PLCZ1: variants seen among roughly 807,000 people sequenced by gnomAD.
PLCZ1 encodes the protein 1-phosphatidylinositol 4,5-bisphosphate phosphodiesterase zeta-1.
PLCZ1 carries 64 observed loss-of-function variants against 76.8 expected under a neutral mutation model. The ratio of observed to expected loss-of-function variants is 0.83; its 90% confidence interval spans 0.68 to 1.03. PLCZ1 has a LOEUF of 1.03. Ranked by LOEUF, PLCZ1 falls within the 50% of genes least tolerant of loss-of-function variation. The pLI is 0.00. For missense variants in PLCZ1, 751 were observed against 713.7 expected, an observed-to-expected ratio of 1.05 and a Z score of -0.60; for synonymous variants, 248 against 230.8, an observed-to-expected ratio of 1.07 and a Z score of -0.68.
the PLCZ1 span, among the ~76,000 whole-genome samples, chr12:18,664,027 A>C: frequency 0.4 from 60,804 of 152,010 alleles, 14,339 homozygotes; most frequent in South Asian, 0.59. Context: ...TTGAAAATGC[A>C]AATCAAAACT....
intron 4 of PLCZ1, among the ~76,000 whole-genome samples, chr12:18,722,191 C>G (rs1420869269): frequency 2.5e-5 from 3 of 122,296 alleles, no homozygotes; most frequent in African/African-American, 6.2e-5. Context: ...AACTAGGCCT[C>G]CCAGGTCATT....
the PLCZ1 span, among the ~76,000 whole-genome samples, chr12:18,653,527 C>G: frequency 7.2e-5 from 11 of 152,236 alleles, no homozygotes; most frequent in East Asian, 1.4e-3. Flanking sequence ...ATTCTTAACT[C>G]CAGACACAGG....
intron 14 of PLCZ1, chr12:18,683,560 C>G (rs760701660): frequency 6.7e-7 from 1 of 1,483,466 alleles, no homozygotes. Flanking sequence ...TTCCGCAAAG[C>G]GCTGCATGAT....
chr12:18,683,140 A>C (rs1952591362), downstream of PLCZ1: 3 of 1,008,588 alleles, frequency 3.0e-6, no homozygotes, highest in African/African-American at 3.3e-5. Context: ...TTTATGAGTA[A>C]TTATTTTTCT....
chr12:18,673,929 T>C, the PLCZ1 span, among the ~76,000 whole-genome samples: 1 of 152,172 alleles, frequency 6.6e-6, no homozygotes, highest in Admixed American at 6.6e-5. Context: ...AGAAAACAAT[T>C]GTCTACTAGC....
At chr12:18,681,272 A>T (rs1952388167), downstream of PLCZ1, among the ~76,000 whole-genome samples, 1 of 152,054 alleles carries the variant, frequency 6.6e-6, no homozygotes, top group African/African-American at 2.4e-5. Flanking sequence ...AACCTAATCT[A>T]GCAGAACACG....
chr12:18,693,797 C>T, intron 12 of PLCZ1: 1 of 1,514,400 alleles, frequency 6.6e-7, no homozygotes, highest in Non-Finnish European at 9.2e-7. Context: ...GGATCCAGCG[C>T]TTATCAGACC....
intron 4 of PLCZ1, among the ~76,000 whole-genome samples, chr12:18,721,886 C>G (rs919162821): frequency 7.2e-5 from 11 of 151,892 alleles, no homozygotes; most frequent in African/African-American, 1.2e-4. Flanking sequence ...TATCGAGAAC[C>G]CTTCAAAATC....
chr12:18,714,784 A>G (rs965095156), intron 5 of PLCZ1: 1 of 152,126 alleles, frequency 6.6e-6, no homozygotes, highest in Non-Finnish European at 1.5e-5. Context: ...GGCATCTAGC[A>G]GGTAACGGTC....
chr12:18,730,139 A>G (rs561986403), intron 3 of PLCZ1, among the ~76,000 whole-genome samples: 1 of 152,248 alleles, frequency 6.6e-6, no homozygotes, highest in South Asian at 2.1e-4. Flanking sequence ...AACAGCTAGG[A>G]TGTCTTACAG....
intron 10 of PLCZ1, among the ~76,000 whole-genome samples, chr12:18,697,752 T>G (rs1955282277): frequency 6.6e-6 from 1 of 152,104 alleles, no homozygotes; most frequent in South Asian, 2.1e-4. Flanking sequence ...CTTTATTTAC[T>G]ATAATAATGT....
intron 13 of PLCZ1, 28 bp downstream of exon 13, chr12:18,688,061 A>T (rs963367377): frequency 6.2e-7 from 1 of 1,607,444 alleles, no homozygotes; most frequent in African/African-American, 1.3e-5. Flanking sequence ...GTCTAATGGA[A>T]ATTCAATAAG....
chr12:18,655,973 G>A, the PLCZ1 span, among the ~76,000 whole-genome samples: 2 of 152,102 alleles, frequency 1.3e-5, no homozygotes, highest in African/African-American at 2.4e-5. Flanking sequence ...TAGGTAAAAA[G>A]TAAGTAAATT....
At chr12:18,716,259 A>C (rs575079403) in intron 5 of PLCZ1, among the ~76,000 whole-genome samples, 1 of 152,006 alleles carries the variant, frequency 6.6e-6, no homozygotes, top group Non-Finnish European at 1.5e-5. Flanking sequence ...GGGGGAAAAA[A>C]CCACCAAGAA....
chr12:18,675,328 T>C, the PLCZ1 span, among the ~76,000 whole-genome samples: 4 of 152,142 alleles, frequency 2.6e-5, no homozygotes, highest in African/African-American at 9.7e-5. Flanking sequence ...GGGAAAGTTT[T>C]ATAACCATTA....
chr12:18,720,849 A>T (rs10770394), intron 4 of PLCZ1, among the ~76,000 whole-genome samples: 1 of 151,800 alleles, frequency 6.6e-6, no homozygotes, highest in Non-Finnish European at 1.5e-5. Context: ...ATGATACAAT[A>T]CTAAGCAGCC....
intron 1 of PLCZ1, 200 bp from the exon 2 acceptor site, chr12:18,737,709 T>A (rs999484869): frequency 1.1e-5 from 5 of 461,054 alleles, no homozygotes; most frequent in African/African-American, 9.8e-5. Flanking sequence ...CTGGCATTTT[T>A]CCATGAACTG....
At chr12:18,711,529 T>TATAATA (rs71440375) in intron 6 of PLCZ1, among the ~76,000 whole-genome samples, 8,358 of 142,346 alleles carry the variant, frequency 0.059, 319 homozygotes, top group African/African-American at 0.093. Context: ...AAACTTAAAG[T>TATAATA]ATAATAATAA....
In PLCZ1 at chr12:18,712,445, G is replaced by T. The variant is rs912792157; in HGVS notation, c.714+397C>A. ...TGTCATTATAGTCATTAAAATGTCA[G>T]CAATTGAAATGATGCATTGTTGATA... On this transcript the variant is annotated intron_variant, in intron 6 of 14. Coordinates refer to ENST00000266505, the MANE Select transcript of PLCZ1 (RefSeq NM_033123.4). 2.0e-5 allele frequency among the ~76,000 whole-genome samples: 3 copies of T among 152,130 alleles called. No individual in the cohort carries two copies. In the East Asian group the frequency reaches 5.8e-4, roughly 29 times the overall value.
Sources: allele counts gnomAD v4.1 joint callset (sites outside exome capture counted in the v4.1 genomes callset), GRCh38; gene constraint gnomAD v4.1.1; transcripts MANE v1.5; gene names NCBI Gene and HGNC (gene_info 2026-07-23, HGNC 2026-07-21).